The following MAN1C1 variants were observed in gnomAD, a reference collection of about 807,000 sequenced individuals.
MAN1C1 encodes the protein mannosyl-oligosaccharide 1,2-alpha-mannosidase IC.
MAN1C1 carries 49 observed loss-of-function variants against 71.5 expected under a neutral mutation model. That is an observed-to-expected ratio of 0.69 (90% CI 0.54 to 0.87). The LOEUF is 0.87. Among genes scored for constraint, MAN1C1 ranks in the 40% least tolerant of loss-of-function variants. The pLI is 0.00. For synonymous variants in MAN1C1, 352 were observed against 343.7 expected (o/e 1.02, Z -0.27); for missense variants, 743 against 835.0 (o/e 0.89, Z 1.36).
At chr1:25,694,709 G>A (rs2046348410) in intron 2 of MAN1C1, among the ~76,000 whole-genome samples, 1 of 152,210 alleles carries the variant, frequency 6.6e-6, no homozygotes, top group Non-Finnish European at 1.5e-5. Context: ...TTTTGTCGGG[G>A]TGAGAGTTAC....
At chr1:25,621,027 C>G (rs2045199317) in intron 1 of MAN1C1, among the ~76,000 whole-genome samples, 1 of 152,234 alleles carries the variant, frequency 6.6e-6, no homozygotes, top group South Asian at 2.1e-4. Context: ...TCAGCACACT[C>G]TCAACTGTCT....
rs78723229 is a variant in MAN1C1, at chr1:25,725,338, T to C, written c.638-21330T>C. Among the ~76,000 whole-genome samples, 717 of 152,332 alleles carry C rather than the reference T, an allele frequency of 4.7e-3. 6 individuals are homozygous for C. Among genetic ancestry groups the C allele is most frequent in the African/African-American group, 0.017 (698 of 41,572 alleles). ...TGCAAAGGTGCACTGGCCACGTCCC[T>C]TGCCTCGAAAGAGTTCTCTTCTTAG... On this transcript the variant is annotated intron_variant, in intron 2 of 11. Transcript: ENST00000374332. The surrounding 1 kb of genome is among the most constrained non-coding windows in gnomAD (Gnocchi z 4.8).
chr1:25,681,550 C>T (rs545984186), intron 1 of MAN1C1, among the ~76,000 whole-genome samples: 1 of 152,162 alleles, frequency 6.6e-6, no homozygotes, highest in South Asian at 2.1e-4. Context: ...GGAGCACTCG[C>T]AAAACCCAGG....
intron 1 of MAN1C1, among the ~76,000 whole-genome samples, chr1:25,619,657 G>A (rs1370079618): frequency 1.3e-5 from 2 of 152,228 alleles, no homozygotes; most frequent in African/African-American, 4.8e-5. Flanking sequence ...GTGCATGTTT[G>A]TGTGCTCTCA....
chr1:25,625,474 G>A (rs1454534113), intron 1 of MAN1C1, among the ~76,000 whole-genome samples: 1 of 152,072 alleles, frequency 6.6e-6, no homozygotes, highest in Non-Finnish European at 1.5e-5. Flanking sequence ...TCACAGTCTT[G>A]ATTTCTATTA....
chr1:25,716,402 G>A (rs2046681683), intron 2 of MAN1C1, among the ~76,000 whole-genome samples: 3 of 152,070 alleles, frequency 2.0e-5, no homozygotes, highest in Non-Finnish European at 2.9e-5. Flanking sequence ...GCATGATCTC[G>A]GCTCACTGCA....
chr1:25,746,220 G>A lies in MAN1C1; in HGVS notation c.638-448G>A, dbSNP rs573521102. 2.2e-4 allele frequency among the ~76,000 whole-genome samples: 33 copies of A among 152,184 alleles called. No individual in the cohort carries two copies. The highest frequency in any genetic ancestry group is 3.7e-4 in the Non-Finnish European group (25 of 68,026). ...CTTGGGAGGCTGAGGTGGGAGAATCGCTTGAACCTGGGAGGCAGAGGTTGG... is the reference window on the plus strand; with the variant it reads ...CTTGGGAGGCTGAGGTGGGAGAATCACTTGAACCTGGGAGGCAGAGGTTGG... On this transcript the variant is annotated intron_variant, in intron 2 of 11. Transcript: ENST00000374332. This position sits in a 1 kb window ranked among gnomAD's most constrained non-coding sequence, Gnocchi z 4.0.
intron 6 of MAN1C1, among the ~76,000 whole-genome samples, chr1:25,763,055 G>A (rs1458034385): frequency 1.3e-5 from 2 of 152,028 alleles, no homozygotes; most frequent in East Asian, 2.0e-4. Context: ...ATCACTTGAG[G>A]TCAAGAGTTC....
At chr1:25,718,011 C>G (rs993169498) in intron 2 of MAN1C1, among the ~76,000 whole-genome samples, 1 of 152,014 alleles carries the variant, frequency 6.6e-6, no homozygotes, top group African/African-American at 2.4e-5. Context: ...CACACACACA[C>G]ACACACACAC....
intron 8 of MAN1C1, among the ~76,000 whole-genome samples, chr1:25,772,914 C>G (rs1487667092): frequency 6.6e-6 from 1 of 152,226 alleles, no homozygotes; most frequent in Non-Finnish European, 1.5e-5. Flanking sequence ...TTGCTGTCCC[C>G]TCTGCCTGGA....
rs1490948300 is a variant in MAN1C1, at chr1:25,780,845, G to T, written c.1478-95G>T. ...ACCCACACACACCTGACATCACCCTGGCCGCGGGTTCAAGGCAACTGACAT... is the reference window on the plus strand; with the variant it reads ...ACCCACACACACCTGACATCACCCTTGCCGCGGGTTCAAGGCAACTGACAT... On this transcript the variant is annotated intron_variant, in intron 9 of 11. Coordinates refer to ENST00000374332, the MANE Select transcript of MAN1C1 (RefSeq NM_020379.4). 1.0e-5 allele frequency: 14 copies of T among 1,346,514 alleles called. No individual in the cohort carries two copies. In the Admixed American group the frequency reaches 2.5e-4, roughly 25 times the overall value. 83.4% of individuals were successfully genotyped at this position (1,346,514 alleles called of 1,614,324 possible).
In MAN1C1 at chr1:25,746,688, G is replaced by A; in HGVS notation, c.658G>A (p.Val220Ile). ...TGCAGGAGGCCTCAGCGGGGCAACA[G>A]TCATTGACTCCCTCGATACCCTCTA... is the stretch of plus-strand genomic sequence containing the variant. Reference protein sequence around the residue: ...NMFGGLSGATVIDSLDTLYLM... With the variant: ...NMFGGLSGATIIDSLDTLYLM... Residue 220 changes from valine (V) to isoleucine (I), a missense_variant, in exon 3 of 12, where the codon GTC becomes ATC. Transcript: ENST00000374332. The surrounding 1 kb of genome is among the most constrained non-coding windows in gnomAD (Gnocchi z 4.0). 1 of 1,613,940 alleles carries A rather than the reference G, an allele frequency of 6.2e-7. No homozygotes were observed. The highest frequency in any genetic ancestry group is 8.5e-7 in the Non-Finnish European group (1 of 1,179,844).
At chr1:25,720,907 C>A (rs1012850143) in intron 2 of MAN1C1, among the ~76,000 whole-genome samples, 1 of 152,182 alleles carries the variant, frequency 6.6e-6, no homozygotes, top group Non-Finnish European at 1.5e-5. Context: ...ATTGTTCCAG[C>A]ACAATTTTTT....
chr1:25,776,412 G>A lies in MAN1C1; in HGVS notation c.1258-1693G>A, dbSNP rs147342118. 0.011 allele frequency among the ~76,000 whole-genome samples: 1,657 copies of A among 152,240 alleles called. 30 individuals carry two copies. The highest frequency in any genetic ancestry group is 0.037 in the African/African-American group (1,549 of 41,542). On this transcript the variant is annotated intron_variant, in intron 8 of 11. Transcript: ENST00000374332. The surrounding 1 kb of genome is among the most constrained non-coding windows in gnomAD (Gnocchi z 4.3). Reference sequence around the variant, plus strand: ...CTAAAAATACAAAAATTAGCCGGGGGTGGTGGCACACGCCTATAATTACCC... The same window carrying A: ...CTAAAAATACAAAAATTAGCCGGGGATGGTGGCACACGCCTATAATTACCC...
At chr1:25,694,089 C>T (rs917266461) in intron 2 of MAN1C1, among the ~76,000 whole-genome samples, 4 of 152,184 alleles carry the variant, frequency 2.6e-5, no homozygotes, top group Non-Finnish European at 5.9e-5. Flanking sequence ...AATAAATTGC[C>T]TAGTGCAGTC....
intron 2 of MAN1C1, among the ~76,000 whole-genome samples, chr1:25,701,613 A>T (rs1453592158): frequency 6.6e-6 from 1 of 152,152 alleles, no homozygotes; most frequent in African/African-American, 2.4e-5. Flanking sequence ...AACACATGGT[A>T]TTGGCCCAGG....
At position 25,753,585 on chromosome 1, in the gene MAN1C1, C is replaced by G. The variant is rs779189625; in HGVS notation, c.929+7C>G. On this transcript the variant is annotated splice_region_variant and intron_variant, in intron 5 of 11. Coordinates refer to ENST00000374332, the MANE Select transcript of MAN1C1 (RefSeq NM_020379.4). This position sits in a 1 kb window ranked among gnomAD's most constrained non-coding sequence, Gnocchi z 4.9. The stretch of plus-strand genomic sequence containing the variant: ...GCGTGGTGAGCTTCAAAAGGTAGGG[C>G]GCCATCGCGTTCCCCACTGGGGCTT... 6.2e-7 allele frequency: 1 copy of G among 1,612,160 alleles called. No individual in the cohort carries two copies. The highest frequency in any genetic ancestry group is 2.2e-5 in the East Asian group (1 of 44,822).
chr1:25,696,858 G>A (rs2179380), intron 2 of MAN1C1, among the ~76,000 whole-genome samples: 33,866 of 151,994 alleles, frequency 0.22, 6,158 homozygotes, highest in African/African-American at 0.5. Flanking sequence ...TGTTACCCAG[G>A]CTGGTCTCAA....
intron 2 of MAN1C1, among the ~76,000 whole-genome samples, chr1:25,723,909 C>T (rs952273212): frequency 6.6e-6 from 1 of 152,192 alleles, no homozygotes; most frequent in African/African-American, 2.4e-5. Flanking sequence ...CTGCGGGATA[C>T]TGTATCAGTT....
Sources: allele counts gnomAD v4.1 joint callset (sites outside exome capture counted in the v4.1 genomes callset), GRCh38; gene constraint gnomAD v4.1.1; non-coding constraint Gnocchi (gnomAD v3.1); transcripts MANE v1.5; gene names NCBI Gene and HGNC (gene_info 2026-07-23, HGNC 2026-07-21).